The following JKAMP variants were observed in gnomAD, a reference collection of about 807,000 sequenced individuals.
The protein encoded by JKAMP is JNK1/MAPK8 associated membrane protein.
In JKAMP, 20 loss-of-function variants were observed where a neutral mutation model predicts 40.2. The observed-to-expected ratio is 0.50, with a 90% CI of 0.35 to 0.72. JKAMP has a LOEUF of 0.72. JKAMP is among the 30% of genes least tolerant of loss of function. The pLI is 0.01. For synonymous variants in JKAMP, 138 were observed against 131.6 expected (o/e 1.05, Z -0.33); for missense variants, 276 against 373.0 (o/e 0.74, Z 2.14).
intron 3 of JKAMP, among the ~76,000 whole-genome samples, chr14:59,489,916 AT>A (rs1890862833): frequency 6.6e-6 from 1 of 151,550 alleles, no homozygotes; most frequent in Non-Finnish European, 1.5e-5. Context: ...TTATTTTTTA[AT>A]TTATCTTTTC....
chr14:59,489,570 A>G (rs1890833878), intron 3 of JKAMP, among the ~76,000 whole-genome samples: 1 of 151,990 alleles, frequency 6.6e-6, no homozygotes, highest in South Asian at 2.1e-4. Flanking sequence ...ACCTCCAAAC[A>G]CTTTCAGCCT....
chr14:59,485,425 G>A (rs1200206986), intron 1 of JKAMP: 7 of 274,624 alleles, frequency 2.5e-5, no homozygotes, highest in Non-Finnish European at 4.7e-5. Context: ...TTAAACTGGA[G>A]GAATATTATT....
Position 59,495,058 on chromosome 14 carries a change from T to C in JKAMP, c.292T>C (p.Cys98Arg), listed in dbSNP as rs1891339670. ...CCAACACATCACTGCATTATTTGAA[T>C]GCAGCATGGCAGCTATTATCACCTT... ...LFQHITALFE[C>R]SMAAIITLLV... The change falls in exon 4 of 7, where the codon TGC becomes CGC. Residue 98 changes from cysteine to arginine, a missense_variant. Cys to Arg is a radical substitution (Grantham distance 180, BLOSUM62 -3). Transcript: ENST00000616435. The C allele has an allele frequency of 6.2e-7, 1 of 1,613,876 alleles. No homozygotes were observed. The highest frequency in any genetic ancestry group is 8.5e-7 in the Non-Finnish European group (1 of 1,179,868).
intron 2 of JKAMP, 110 bp downstream of exon 2, chr14:59,486,914 TGGA>T: frequency 1.2e-6 from 1 of 810,552 alleles, no homozygotes; most frequent in Non-Finnish European, 2.0e-6. Context: ...TAAAAGAATA[TGGA>T]GGACCAGGCG....
intron 4 of JKAMP, 44 bp from the exon 5 acceptor site, chr14:59,498,683 T>A: frequency 9.1e-7 from 1 of 1,094,968 alleles, no homozygotes; most frequent in Non-Finnish European, 1.3e-6. Flanking sequence ...AAAAACATTT[T>A]TAAAACATTT....
intron 3 of JKAMP, among the ~76,000 whole-genome samples, chr14:59,488,077 A>C (rs183705874): frequency 6.6e-6 from 1 of 152,132 alleles, no homozygotes; most frequent in African/African-American, 2.4e-5. Flanking sequence ...CTTCTCAACT[A>C]TAATCCTTAT....
chr14:59,489,027 C>T (rs1350290259), intron 3 of JKAMP, among the ~76,000 whole-genome samples: 3 of 152,260 alleles, frequency 2.0e-5, no homozygotes, highest in Admixed American at 2.0e-4. Flanking sequence ...AAGCCTTTTT[C>T]TCATTGTGTT....
intron 1 of JKAMP, chr14:59,485,094 G>A: frequency 6.3e-7 from 1 of 1,598,380 alleles, no homozygotes; most frequent in Non-Finnish European, 8.5e-7. Context: ...TTCAACAGTC[G>A]CTTGGAGCCT....
intron 3 of JKAMP, 69 bp from the exon 4 acceptor site, chr14:59,494,949 T>C (rs1298948190): frequency 1.7e-5 from 18 of 1,068,986 alleles, no homozygotes; most frequent in Non-Finnish European, 2.3e-5. Context: ...TTGACACATG[T>C]ACATGTTTTA....
At chr14:59,487,595 G>A in intron 2 of JKAMP, 79 bp from the exon 3 acceptor site, 1 of 1,041,418 alleles carries the variant, frequency 9.6e-7, no homozygotes, top group Non-Finnish European at 1.5e-6. Flanking sequence ...GAAATGGGAT[G>A]TCTTATAGAA....
At chr14:59,497,702 G>GT (rs1437876950) in intron 4 of JKAMP, among the ~76,000 whole-genome samples, 3 of 152,098 alleles carry the variant, frequency 2.0e-5, no homozygotes, top group Non-Finnish European at 2.9e-5. Flanking sequence ...TTTTGATGTT[G>GT]TTTGGGGGTG....
At position 59,494,542 on chromosome 14, in the gene JKAMP, T is replaced by C. The variant is rs145867177; in HGVS notation, c.252-476T>C. 2.2e-3 allele frequency among the ~76,000 whole-genome samples: 333 copies of C among 152,296 alleles called. 1 individual carries two copies. Among genetic ancestry groups the C allele is most frequent in the Admixed American group, 4.6e-3 (70 of 15,296 alleles). ...AGAAATACAGTTGGGATAAAAACTT[T>C]CTGGAAAAAAGTGGTAAAAGCAGTT... On this transcript the variant is annotated intron_variant, in intron 3 of 6. Transcript: ENST00000616435.
chr14:59,498,689 C>G (rs1891628140), intron 4 of JKAMP, 38 bp from the exon 5 acceptor site: 1 of 1,125,308 alleles, frequency 8.9e-7, no homozygotes, highest in African/African-American at 1.6e-5. Context: ...ATTTTTAAAA[C>G]ATTTTTGATG....
intron 3 of JKAMP, among the ~76,000 whole-genome samples, chr14:59,492,964 A>G (rs1158194959): frequency 1.3e-5 from 2 of 151,700 alleles, no homozygotes; most frequent in African/African-American, 4.8e-5. Flanking sequence ...CGCCCGGCCA[A>G]TTTTTTTGTA....
chr14:59,487,950 C>T (rs1890706620), intron 3 of JKAMP, 122 bp downstream of exon 3: 3 of 927,600 alleles, frequency 3.2e-6, no homozygotes, highest in Non-Finnish European at 5.0e-6. Flanking sequence ...TTTTCTTTAT[C>T]TTCAGATTAT....
intron 1 of JKAMP, among the ~76,000 whole-genome samples, chr14:59,486,416 A>C (rs533923582): frequency 3.2e-4 from 48 of 152,340 alleles, no homozygotes; most frequent in Non-Finnish European, 6.2e-4. Context: ...AGTTAAACTC[A>C]GAAGTATCCT....
Position 59,495,207 on chromosome 14 carries a change from T to C in JKAMP, c.441T>C (p.His147=). 6.2e-7 allele frequency: 1 copy of C among 1,609,424 alleles called. No homozygotes were observed. The highest frequency in any genetic ancestry group is 8.5e-7 in the Non-Finnish European group (1 of 1,175,724). ...ACGTTACCACAGTACACTGTACTCA[T>C]GAAGCCGTCTACCCACTGTAAGTGT... ...PDYVTTVHCT[H]EAVYPLYTIV... is the part of the protein sequence containing the mutation. Residue 147 remains histidine (H), a synonymous_variant, in exon 4 of 7, where the codon CAT becomes CAC. Transcript: ENST00000616435.
Position 59,498,727 on chromosome 14 carries a change from A to G in JKAMP, c.459A>G (p.Leu153=), listed in dbSNP as rs1244395202. The G allele has an allele frequency of 1.4e-6, 2 of 1,446,894 alleles. No individual in the cohort carries two copies. Among genetic ancestry groups the G allele is most frequent in the South Asian group, 1.3e-5 (1 of 79,590 alleles). The allele number at this position is 1,446,894 out of a possible 1,614,324, so 89.6% of individuals were successfully genotyped here. Residue 153 remains leucine, a splice_region_variant and synonymous_variant, in exon 5 of 7, where the codon CTA becomes CTG. Transcript: ENST00000616435. ...VHCTHEAVYP[L]YTIVFIYYAF... ...ACAAATTCTTTATTTTATTTTACAG[A>G]TATACCATTGTATTTATCTATTACG...
chr14:59,484,821 C>A, intron 1 of JKAMP: 1 of 967,450 alleles, frequency 1.0e-6, no homozygotes, highest in Non-Finnish European at 1.5e-6. Context: ...AATGCCAGGT[C>A]TTTGTTGTTT....
Sources: allele counts gnomAD v4.1 joint callset (sites outside exome capture counted in the v4.1 genomes callset), GRCh38; gene constraint gnomAD v4.1.1; transcripts MANE v1.5; gene names NCBI Gene and HGNC (gene_info 2026-07-23, HGNC 2026-07-21).